Variants in ARMC9 observed in about 807,000 individuals in gnomAD.
ARMC9 encodes the protein armadillo repeat containing 9.
ARMC9 carries 94 observed loss-of-function variants against 107.0 expected under a neutral mutation model. The ratio of observed to expected loss-of-function variants is 0.88; its 90% confidence interval spans 0.74 to 1.04. The LOEUF (loss-of-function observed/expected upper bound fraction) is 1.04, where lower values mean the gene tolerates loss of function less well. ARMC9 is among the 50% of genes least tolerant of loss of function. ARMC9 has a pLI of 0.00. For synonymous variants in ARMC9, 380 were observed against 396.9 expected (o/e 0.96, Z 0.51); for missense variants, 942 against 1,030.1 (o/e 0.91, Z 1.17).
intron 17 of ARMC9, among the ~76,000 whole-genome samples, chr2:231,282,336 T>G (rs961129768): frequency 6.6e-6 from 1 of 152,154 alleles, no homozygotes; most frequent in African/African-American, 2.4e-5. Flanking sequence ...GATCCCTAAC[T>G]CCTAAATGGT....
chr2:231,265,107 AAG>A (rs2038737366), intron 12 of ARMC9, among the ~76,000 whole-genome samples: 3 of 151,388 alleles, frequency 2.0e-5, no homozygotes, highest in Non-Finnish European at 4.4e-5. Context: ...AAAAAAAAAA[AAG>A]AAGAAGAAAT....
rs776964267 is a variant in ARMC9 at position 231,216,619 on chromosome 2, G to A, written c.349-19G>A. The A allele has an allele frequency of 2.5e-6, 4 of 1,610,972 alleles. No individual in the cohort carries two copies. The highest frequency in any genetic ancestry group is 3.4e-6 in the Non-Finnish European group (4 of 1,178,594). ...GCATTGATCTGGAGACCTCAAACAA[G>A]TGTTTTCCCTTCTTCTAGGACAAAG... is the stretch of plus-strand genomic sequence containing the variant. On this transcript the variant is annotated intron_variant, in intron 4 of 24. Transcript: ENST00000611582.
intron 3 of ARMC9, among the ~76,000 whole-genome samples, chr2:231,211,259 G>T (rs1228790063): frequency 6.6e-6 from 1 of 151,790 alleles, no homozygotes; most frequent in Non-Finnish European, 1.5e-5. Context: ...GGTGGCTCAT[G>T]CCTGTAATCC....
At chr2:231,346,682 T>G (rs2044831337) in intron 21 of ARMC9, among the ~76,000 whole-genome samples, 1 of 152,196 alleles carries the variant, frequency 6.6e-6, no homozygotes, top group African/African-American at 2.4e-5. Context: ...CTTTTGCACA[T>G]AACCCCACTA....
intron 19 of ARMC9, among the ~76,000 whole-genome samples, chr2:231,312,535 T>C (rs946332805): frequency 2.0e-5 from 3 of 152,070 alleles, no homozygotes; most frequent in Non-Finnish European, 4.4e-5. Flanking sequence ...GGGAGATTCT[T>C]CTCCGAACAA....
At chr2:231,249,558 G>A (rs2125391293) in intron 9 of ARMC9, among the ~76,000 whole-genome samples, 1 of 152,166 alleles carries the variant, frequency 6.6e-6, no homozygotes, top group East Asian at 1.9e-4. Flanking sequence ...CAGGCCCCAG[G>A]TCTTCCTGGG....
rs781328897 is a variant in ARMC9, at chr2:231,235,364, AC to A, written c.764del (p.Thr255LysfsTer6). 1.2e-6 allele frequency: 2 copies of A among 1,614,144 alleles called. No homozygotes were observed. The highest frequency in any genetic ancestry group is 2.2e-5 in the South Asian group (2 of 91,064). On this transcript the variant is annotated frameshift_variant, in exon 8 of 25. Coordinates refer to ENST00000611582, the MANE Select transcript of ARMC9 (RefSeq NM_001352754.2). LOFTEE classifies it high-confidence loss of function. The part of the protein sequence containing the change: ...TAELVDSLEA[T>X]VSGKMITPEY... ...AGAGCTGGTGGATTCTCTAGAGGCC[AC>A]AGTCAGCGGCAAGATGGTAAGGAAG...
intron 19 of ARMC9, among the ~76,000 whole-genome samples, chr2:231,303,710 G>A (rs536773232): frequency 7.9e-5 from 12 of 152,270 alleles, no homozygotes; most frequent in Non-Finnish European, 1.5e-4. Flanking sequence ...GGCTAAGGCC[G>A]GTGGATCACC....
rs548071178 is a variant in ARMC9 at position 231,368,369 on chromosome 2, C to T, written c.2262-1584C>T. 4.6e-5 allele frequency among the ~76,000 whole-genome samples: 7 copies of T among 152,196 alleles called. No homozygotes were observed. The South Asian group carries it at 1.0e-3, about 23-fold the overall frequency. On this transcript the variant is annotated intron_variant, in intron 23 of 24. Transcript: ENST00000611582. Reference sequence around the variant, plus strand: ...AGCCCCTAGCAGAATTCTCAGCACGCGTGAGCTTGATCAATGAATGAAAGA... The same window carrying T: ...AGCCCCTAGCAGAATTCTCAGCACGTGTGAGCTTGATCAATGAATGAAAGA...
At chr2:231,219,003 C>A (rs2033830346) in intron 5 of ARMC9, among the ~76,000 whole-genome samples, 2 of 152,160 alleles carry the variant, frequency 1.3e-5, no homozygotes, top group Non-Finnish European at 2.9e-5. Flanking sequence ...CCGCCTGCCT[C>A]AGCCTCCCAA....
intron 21 of ARMC9, among the ~76,000 whole-genome samples, chr2:231,355,221 C>T (rs2045288198): frequency 6.6e-6 from 1 of 152,146 alleles, no homozygotes; most frequent in South Asian, 2.1e-4. Context: ...CATCTGTAGT[C>T]CCAGCTACTC....
chr2:231,279,604 G>A lies in ARMC9; in HGVS notation c.1551+1146G>A, dbSNP rs181467346. ...TGGCTCACTGCAACCTCCACCTCCC[G>A]GGTTCAAGCGATTCTCCTGCCTCAG... On this transcript the variant is annotated intron_variant, in intron 16 of 24. Coordinates refer to ENST00000611582, the MANE Select transcript of ARMC9 (RefSeq NM_001352754.2). Among the ~76,000 whole-genome samples the A allele has an allele frequency of 2.1e-3, 309 of 147,488 alleles. 1 individual carries two copies. Among genetic ancestry groups the A allele is most frequent in the African/African-American group, 7.3e-3 (291 of 40,096 alleles).
chr2:231,312,724 T>C (rs2042425928), intron 19 of ARMC9, among the ~76,000 whole-genome samples: 1 of 152,144 alleles, frequency 6.6e-6, no homozygotes, highest in Non-Finnish European at 1.5e-5. Flanking sequence ...TATTTCAGTC[T>C]TATACTACCC....
At chr2:231,289,519 C>T (rs1207214994) in intron 17 of ARMC9, among the ~76,000 whole-genome samples, 1 of 152,140 alleles carries the variant, frequency 6.6e-6, no homozygotes, top group African/African-American at 2.4e-5. Context: ...CTGCTTTTTG[C>T]TTGATAACTT....
At chr2:231,226,898 C>A in intron 7 of ARMC9, 100 bp downstream of exon 7, 2 of 1,378,456 alleles carry the variant, frequency 1.5e-6, no homozygotes, top group South Asian at 1.2e-5. Flanking sequence ...ATGATTTTGG[C>A]TTTAAGAGTC....
rs1289190536 is a variant in ARMC9, at chr2:231,373,202, CT to C, written c.*1668del. ...TTGGGAGCAAACACAAAGCTCGCCC[CT>C]GGTGTCAGTGGTGCAGACAGAGGAA... On this transcript the variant is annotated 3_prime_UTR_variant, in exon 25 of 25. Coordinates refer to ENST00000611582, the MANE Select transcript of ARMC9 (RefSeq NM_001352754.2). The surrounding 1 kb of genome is among the most constrained non-coding windows in gnomAD (Gnocchi z 4.4). 3 of 152,252 alleles carry C rather than the reference CT, an allele frequency of 2.0e-5. No individual in the cohort carries two copies. The highest frequency in any genetic ancestry group is 2.0e-4 in the Admixed American group (3 of 15,290). 9.4% of individuals were successfully genotyped at this position (152,252 alleles called of 1,614,324 possible).
At chr2:231,359,019 C>T (rs1224533918) in intron 22 of ARMC9, among the ~76,000 whole-genome samples, 2 of 151,690 alleles carry the variant, frequency 1.3e-5, no homozygotes, top group Non-Finnish European at 2.9e-5. Context: ...AGGAAGACCC[C>T]GGTGCACACC....
intron 16 of ARMC9, among the ~76,000 whole-genome samples, chr2:231,280,425 T>C (rs1045506097): frequency 6.6e-6 from 1 of 151,928 alleles, no homozygotes; most frequent in Non-Finnish European, 1.5e-5. Flanking sequence ...GCCGTTGCAC[T>C]CCAGCATGGG....
chr2:231,296,393 C>A, intron 19 of ARMC9, 140 bp downstream of exon 19: 1 of 790,322 alleles, frequency 1.3e-6, no homozygotes, highest in Non-Finnish European at 2.0e-6. Flanking sequence ...TTGGCTAAAG[C>A]TCAGCTGGGT....
Sources: allele counts gnomAD v4.1 joint callset (sites outside exome capture counted in the v4.1 genomes callset), GRCh38; gene constraint gnomAD v4.1.1; non-coding constraint Gnocchi (gnomAD v3.1); transcripts MANE v1.5; gene names NCBI Gene and HGNC (gene_info 2026-07-23, HGNC 2026-07-21).